The following ITGBL1 variants were observed in gnomAD, a reference collection of about 807,000 sequenced individuals.
ITGBL1 encodes integrin subunit beta like 1, also known as integrin beta-like protein 1.
Under a neutral mutation model 68.5 loss-of-function variants are expected in ITGBL1, and 51 were observed. The ratio of observed to expected loss-of-function variants is 0.74; its 90% CI spans 0.59 to 0.94. The LOEUF (loss-of-function observed/expected upper bound fraction) is 0.94, where lower values mean the gene tolerates loss of function less well. Ranked by LOEUF, ITGBL1 falls within the 40% of genes least tolerant of loss-of-function variation. ITGBL1 has a pLI of 0.00. For synonymous variants in ITGBL1, 209 were observed against 227.3 expected (o/e 0.92, Z 0.72); for missense variants, 649 against 647.4 (o/e 1.00, Z -0.03).
chr13:101,671,860 A>T (rs1232537929), intron 7 of ITGBL1, among the ~76,000 whole-genome samples: 1 of 152,212 alleles, frequency 6.6e-6, no homozygotes, highest in Non-Finnish European at 1.5e-5. Flanking sequence ...ATGTTTGTGT[A>T]AGTTCAATAA....
At chr13:101,517,625 C>G (rs780360811) in intron 2 of ITGBL1, among the ~76,000 whole-genome samples, 14 of 152,270 alleles carry the variant, frequency 9.2e-5, no homozygotes, top group Admixed American at 3.3e-4. Flanking sequence ...TACATCCTGA[C>G]ATATGTAAAG....
chr13:101,538,477 T>C (rs1040551394), intron 2 of ITGBL1, among the ~76,000 whole-genome samples: 1 of 152,074 alleles, frequency 6.6e-6, no homozygotes, highest in African/African-American at 2.4e-5. Flanking sequence ...GAAAATTGCT[T>C]ATAACCATTT....
intron 10 of ITGBL1, 88 bp downstream of exon 10, chr13:101,714,639 G>T: frequency 1.2e-6 from 1 of 821,162 alleles, no homozygotes; most frequent in South Asian, 1.4e-5. Context: ...TAGGTGGCTG[G>T]ACCAACAGGG....
rs1297068823 is a variant in ITGBL1 at position 101,452,709 on chromosome 13, G to T, written c.-125G>T. The T allele has an allele frequency of 8.2e-6, 6 of 732,794 alleles. No homozygotes were observed. Among genetic ancestry groups the T allele is most frequent in the Non-Finnish European group, 1.4e-5 (6 of 414,944 alleles). 45.4% of individuals were successfully genotyped at this position (732,794 alleles called of 1,614,324 possible). ...TCCGGCTGGAGCCCCGGACCTGCAA[G>T]CCTGGGTGTCCGTGGGTCCGTCTGC... On this transcript the variant is annotated 5_prime_UTR_variant, in exon 1 of 11. Transcript: ENST00000376180.
intron 7 of ITGBL1, among the ~76,000 whole-genome samples, chr13:101,613,607 A>G (rs1353398325): frequency 6.6e-6 from 1 of 152,172 alleles, no homozygotes. Context: ...CTCAGGGAAG[A>G]TGGCAGAGGA....
chr13:101,641,726 CAG>C (rs2032381658), intron 7 of ITGBL1, among the ~76,000 whole-genome samples: 55 of 144,578 alleles, frequency 3.8e-4, no homozygotes, highest in African/African-American at 1.3e-3. Context: ...CCCGACCCCA[CAG>C]CAGTCCCCAG....
At chr13:101,500,518 T>G (rs191536853) in intron 2 of ITGBL1, among the ~76,000 whole-genome samples, 16 of 152,334 alleles carry the variant, frequency 1.1e-4, no homozygotes, top group African/African-American at 3.8e-4. Context: ...GAGATTATTA[T>G]TCTTTCAAAT....
intron 7 of ITGBL1, among the ~76,000 whole-genome samples, chr13:101,605,034 A>C (rs867980791): frequency 2.7e-5 from 3 of 111,542 alleles, no homozygotes; most frequent in South Asian, 2.8e-4. Context: ...ATGTATATAT[A>C]CATATACGCA....
intron 2 of ITGBL1, among the ~76,000 whole-genome samples, chr13:101,559,172 A>G (rs933933278): frequency 1.3e-5 from 2 of 152,170 alleles, no homozygotes; most frequent in Non-Finnish European, 2.9e-5. Context: ...TTAACTGGTC[A>G]TGGTTGCTTT....
chr13:101,642,123 C>T (rs1423602475), intron 7 of ITGBL1, among the ~76,000 whole-genome samples: 1 of 151,490 alleles, frequency 6.6e-6, no homozygotes, highest in Non-Finnish European at 1.5e-5. Context: ...TTCTAGATCC[C>T]TGAGGAATCG....
At chr13:101,627,271 T>G (rs2031818270) in intron 7 of ITGBL1, among the ~76,000 whole-genome samples, 1 of 152,144 alleles carries the variant, frequency 6.6e-6, no homozygotes, top group African/African-American at 2.4e-5. Context: ...CATGTGATAT[T>G]TCAATGCTTT....
rs1204322437 is a variant in ITGBL1 at position 101,653,946 on chromosome 13, G to A, written c.1016-38639G>A. ...AGGATGGTCTCGATCTCTTGACTTC[G>A]TGATCTGCCCACCTCCGCCTCCTAA... is the stretch of plus-strand genomic sequence containing the variant. On this transcript the variant is annotated intron_variant, in intron 7 of 10. Coordinates refer to ENST00000376180, the MANE Select transcript of ITGBL1 (RefSeq NM_004791.3). 4.7e-5 allele frequency among the ~76,000 whole-genome samples: 7 copies of A among 148,452 alleles called. No homozygotes were observed. In the South Asian group the frequency reaches 1.3e-3, roughly 27 times the overall value.
chr13:101,668,175 G>A (rs528460487), intron 7 of ITGBL1, among the ~76,000 whole-genome samples: 4 of 152,192 alleles, frequency 2.6e-5, no homozygotes, highest in South Asian at 4.1e-4. Context: ...ATCACCTGAG[G>A]TCAAGAGTTC....
rs185379196 is a variant in ITGBL1, at chr13:101,510,358, G to A, written c.316+56258G>A. 4.5e-3 allele frequency among the ~76,000 whole-genome samples: 679 copies of A among 152,152 alleles called. 4 individuals carry two copies. Among genetic ancestry groups the A allele is most frequent in the Non-Finnish European group, 7.8e-3 (527 of 67,996 alleles). ...CATGATTTCATTCTTTTTTATGGTT[G>A]TGTAGTATTCTATGCTATATATGTA... On this transcript the variant is annotated intron_variant, in intron 2 of 10. Coordinates refer to ENST00000376180, the MANE Select transcript of ITGBL1 (RefSeq NM_004791.3).
At chr13:101,661,264 C>T (rs980458906) in intron 7 of ITGBL1, among the ~76,000 whole-genome samples, 19 of 152,040 alleles carry the variant, frequency 1.2e-4, no homozygotes, top group East Asian at 5.8e-4. Flanking sequence ...TCTTCAGTTT[C>T]GAGCTTATCC....
intron 2 of ITGBL1, among the ~76,000 whole-genome samples, chr13:101,517,174 C>G (rs1419299938): frequency 6.6e-6 from 1 of 152,082 alleles, no homozygotes; most frequent in African/African-American, 2.4e-5. Flanking sequence ...ATTTGCATTT[C>G]AGGCAAGAGA....
At chr13:101,557,905 A>G (rs887975469) in intron 2 of ITGBL1, among the ~76,000 whole-genome samples, 9 of 152,000 alleles carry the variant, frequency 5.9e-5, no homozygotes, top group Admixed American at 5.9e-4. Flanking sequence ...CCTGGCTAAA[A>G]TGGTGAAACG....
intron 2 of ITGBL1, among the ~76,000 whole-genome samples, chr13:101,478,342 A>G (rs1265565306): frequency 6.6e-6 from 1 of 152,140 alleles, no homozygotes; most frequent in Non-Finnish European, 1.5e-5. Context: ...TCAACACAAT[A>G]AAAGCCACAT....
chr13:101,619,834 G>A (rs1035771134), intron 7 of ITGBL1, among the ~76,000 whole-genome samples: 5 of 151,984 alleles, frequency 3.3e-5, no homozygotes, highest in Non-Finnish European at 7.4e-5. Context: ...TCAACTATAG[G>A]CATAAACATA....
Sources: gnomAD v4.1 joint callset for allele counts (sites outside exome capture counted in the v4.1 genomes callset) on GRCh38, gnomAD v4.1.1 for gene constraint, MANE v1.5 for transcripts, NCBI Gene and HGNC (gene_info 2026-07-23, HGNC 2026-07-21) for gene names.